TANC1: variants seen among roughly 807,000 people sequenced by gnomAD.
TANC1 encodes the protein protein TANC1.
A neutral mutation model predicts 149.7 loss-of-function variants in TANC1; 77 were observed. The observed-to-expected ratio is 0.51, with a 90% CI of 0.43 to 0.62. TANC1 has a LOEUF of 0.62. Ranked by LOEUF, TANC1 falls within the 20% of genes least tolerant of loss-of-function variation. The pLI is 0.00. For missense variants in TANC1, 1,985 were observed against 2,321.8 expected (o/e 0.85, Z 2.98); for synonymous variants, 854 against 925.0 (o/e 0.92, Z 1.39).
chr2:159,050,019 C>G (rs1008657699), intron 2 of TANC1, among the ~76,000 whole-genome samples: 2 of 152,120 alleles, frequency 1.3e-5, no homozygotes, highest in Admixed American at 6.5e-5. Context: ...GAAAGAGACC[C>G]AAGAATAGAC....
chr2:159,117,631 C>T (rs543365933), intron 4 of TANC1, among the ~76,000 whole-genome samples: 2 of 150,660 alleles, frequency 1.3e-5, no homozygotes, highest in South Asian at 2.1e-4. Context: ...CTCCTGACCT[C>T]GTGACCCGCC....
intron 22 of TANC1, among the ~76,000 whole-genome samples, chr2:159,221,484 G>A (rs2059705153): frequency 6.6e-6 from 1 of 152,190 alleles, no homozygotes; most frequent in South Asian, 2.1e-4. Flanking sequence ...CCTTTGACCG[G>A]TGCCTACCCT....
chr2:159,020,526 C>T (rs1352664305), intron 2 of TANC1, among the ~76,000 whole-genome samples: 5 of 151,524 alleles, frequency 3.3e-5, no homozygotes, highest in Non-Finnish European at 5.9e-5. Context: ...ACCTAAACTT[C>T]TTTTTTTTCA....
intron 17 of TANC1, among the ~76,000 whole-genome samples, chr2:159,194,743 G>A (rs909296563): frequency 1.3e-5 from 2 of 152,226 alleles, no homozygotes; most frequent in African/African-American, 2.4e-5. Context: ...GCTCCTAGCC[G>A]CATGAGGAGG....
At chr2:159,136,164 T>G (rs1323337083) in intron 4 of TANC1, 30 bp from the exon 5 acceptor site, 2 of 1,339,254 alleles carry the variant, frequency 1.5e-6, no homozygotes. Flanking sequence ...CTGGAAAAAA[T>G]TAGCCACACT....
intron 20 of TANC1, 135 bp downstream of exon 20, chr2:159,217,765 A>G: frequency 1.7e-6 from 2 of 1,178,464 alleles, no homozygotes; most frequent in Non-Finnish European, 2.4e-6. Flanking sequence ...CTGTGCCATC[A>G]GGACTGCTTG....
chr2:159,162,010 T>C (rs1222318740), intron 7 of TANC1, among the ~76,000 whole-genome samples: 2 of 152,172 alleles, frequency 1.3e-5, no homozygotes. Flanking sequence ...TTTTTTAAAA[T>C]AGGCAACCAG....
Position 159,051,518 on chromosome 2 carries a change from T to C in TANC1, c.-15-14378T>C, listed in dbSNP as rs1363528127. ...AGGAAAAACATCTGATGTTCATACA[T>C]GGCGCGTAACATACCTTCAAGTATA... On this transcript the variant is annotated intron_variant, in intron 2 of 26. Transcript: ENST00000263635. Among the ~76,000 whole-genome samples, 5 of 152,200 alleles carry C rather than the reference T, an allele frequency of 3.3e-5. No individual in the cohort carries two copies. In the East Asian group the frequency reaches 9.6e-4, roughly 29 times the overall value.
intron 4 of TANC1, among the ~76,000 whole-genome samples, chr2:159,126,469 A>G (rs1259625304): frequency 6.6e-6 from 1 of 152,204 alleles, no homozygotes; most frequent in Non-Finnish European, 1.5e-5. Flanking sequence ...CTCAAATATC[A>G]TCAATTTCAC....
chr2:159,046,986 G>C (rs1345898353), intron 2 of TANC1, among the ~76,000 whole-genome samples: 1 of 151,888 alleles, frequency 6.6e-6, no homozygotes, highest in Non-Finnish European at 1.5e-5. Flanking sequence ...TATGTTCCTG[G>C]TTCATCCTTG....
At chr2:159,111,475 G>T (rs559929745) in intron 4 of TANC1, among the ~76,000 whole-genome samples, 16 of 152,214 alleles carry the variant, frequency 1.1e-4, no homozygotes, top group Non-Finnish European at 2.2e-4. Context: ...AATGCCATCT[G>T]CAGACATGCT....
chr2:159,046,589 C>CTTTTTTTTTTTTT, intron 2 of TANC1, among the ~76,000 whole-genome samples: 1 of 84,398 alleles, frequency 1.2e-5, no homozygotes, highest in Non-Finnish European at 2.1e-5. Context: ...CTTTTCTTTA[C>CTTTTTTTTTTTTT]TTTTTTTTTT....
intron 4 of TANC1, among the ~76,000 whole-genome samples, chr2:159,128,545 C>T (rs2049733997): frequency 6.6e-6 from 1 of 152,194 alleles, no homozygotes; most frequent in Admixed American, 6.5e-5. Context: ...GTCTCCTTCC[C>T]CCAAGGTGAA....
At chr2:159,170,999 G>T (rs763670944) in intron 10 of TANC1, among the ~76,000 whole-genome samples, 194 bp downstream of exon 10, 1 of 152,196 alleles carries the variant, frequency 6.6e-6, no homozygotes, top group Non-Finnish European at 1.5e-5. Context: ...AAGCTGGGGC[G>T]AGGCCAGTGT....
chr2:159,133,617 G>A (rs1021463566), intron 4 of TANC1, among the ~76,000 whole-genome samples: 1 of 151,484 alleles, frequency 6.6e-6, no homozygotes, highest in African/African-American at 2.4e-5. Flanking sequence ...ACCCCCACAA[G>A]TCTTTTTCCC....
At chr2:159,184,021 C>A (rs1020466993) in intron 14 of TANC1, among the ~76,000 whole-genome samples, 2 of 152,312 alleles carry the variant, frequency 1.3e-5, no homozygotes, top group African/African-American at 4.8e-5. Context: ...GACTCAAGCT[C>A]CGCAGGTTAA....
chr2:159,093,462 C>T (rs2045755391), intron 3 of TANC1, among the ~76,000 whole-genome samples: 1 of 152,200 alleles, frequency 6.6e-6, no homozygotes, highest in Admixed American at 6.5e-5. Flanking sequence ...GAGATTTTCA[C>T]TTTCTGCCCG....
chr2:159,024,103 G>A (rs1426733608), intron 2 of TANC1, among the ~76,000 whole-genome samples: 1 of 152,012 alleles, frequency 6.6e-6, no homozygotes, highest in Non-Finnish European at 1.5e-5. Context: ...CTTTTTTGTG[G>A]TTGGAGCAGT....
intron 5 of TANC1, among the ~76,000 whole-genome samples, chr2:159,137,172 C>G (rs2050852515): frequency 6.6e-6 from 1 of 152,202 alleles, no homozygotes; most frequent in Non-Finnish European, 1.5e-5. Flanking sequence ...CTTCCTCTGC[C>G]TAATTGTGGG....
Sources: gnomAD v4.1 joint callset for allele counts (sites outside exome capture counted in the v4.1 genomes callset) on GRCh38, gnomAD v4.1.1 for gene constraint, MANE v1.5 for transcripts, NCBI Gene and HGNC (gene_info 2026-07-23, HGNC 2026-07-21) for gene names.